ITGA8: variants seen among roughly 807,000 people sequenced by gnomAD.
ITGA8 encodes the protein integrin alpha-8.
A neutral mutation model predicts 142.3 loss-of-function variants in ITGA8; 91 were observed. That is an observed-to-expected ratio of 0.64 (90% CI 0.54 to 0.76). The LOEUF is 0.76. Among genes scored for constraint, ITGA8 ranks in the 30% least tolerant of loss-of-function variants. The pLI is 0.00. For synonymous variants in ITGA8, 505 were observed against 485.2 expected (o/e 1.04, Z -0.54); for missense variants, 1,406 against 1,327.7 (o/e 1.06, Z -0.92).
intron 13 of ITGA8, among the ~76,000 whole-genome samples, chr10:15,624,228 C>T (rs868236905): frequency 3.9e-5 from 6 of 152,178 alleles, no homozygotes; most frequent in Non-Finnish European, 7.3e-5. Context: ...CTTTGAAACA[C>T]GGTGTTGTAT....
rs180967867 is a variant in ITGA8, at chr10:15,593,646, C to G, written c.2212-1342G>C. On this transcript the variant is annotated intron_variant, in intron 21 of 29. Transcript: ENST00000378076. ...AATCATCTCTTTTGTCATAAATCAG[C>G]AGCACCAGTTCACCAGCCCTTGCCG... Among the ~76,000 whole-genome samples, 43 of 152,270 alleles carry G rather than the reference C, an allele frequency of 2.8e-4. 1 individual carries two copies. Among genetic ancestry groups the G allele is most frequent in the African/African-American group, 9.9e-4 (41 of 41,542 alleles).
chr10:15,566,955 C>T (rs1380697809), intron 25 of ITGA8, among the ~76,000 whole-genome samples: 15 of 147,076 alleles, frequency 1.0e-4, no homozygotes, highest in Non-Finnish European at 1.8e-4. Context: ...GTCAAGGGTT[C>T]GAGACCAGCC....
intron 23 of ITGA8, among the ~76,000 whole-genome samples, chr10:15,581,150 A>G (rs1483645037): frequency 6.6e-6 from 1 of 152,186 alleles, no homozygotes; most frequent in Non-Finnish European, 1.5e-5. Context: ...AAAGACCAAC[A>G]ATGTGATATA....
At chr10:15,594,365 T>C (rs942353685) in intron 21 of ITGA8, among the ~76,000 whole-genome samples, 1 of 152,140 alleles carries the variant, frequency 6.6e-6, no homozygotes, top group Non-Finnish European at 1.5e-5. Flanking sequence ...TTTACCACTC[T>C]TCCACCACTC....
At chr10:15,591,015 G>T (rs1832912169) in intron 22 of ITGA8, among the ~76,000 whole-genome samples, 1 of 152,130 alleles carries the variant, frequency 6.6e-6, no homozygotes. Context: ...TTCTTACAGA[G>T]TTTATATATT....
In ITGA8 at chr10:15,663,394, C is replaced by T. The variant is rs538989747; in HGVS notation, c.848-2472G>A. 9.2e-5 allele frequency among the ~76,000 whole-genome samples: 14 copies of T among 151,968 alleles called. No homozygotes were observed. In the South Asian group the frequency reaches 2.9e-3, roughly 32 times the overall value. On this transcript the variant is annotated intron_variant, in intron 8 of 29. Coordinates refer to ENST00000378076, the MANE Select transcript of ITGA8 (RefSeq NM_003638.3). ...AGATAGCCTCAAAACACAAAATATC[C>T]TTTTATTTTAGATATCCTCAAAACA...
At chr10:15,587,666 T>C (rs534727269) in intron 22 of ITGA8, among the ~76,000 whole-genome samples, 292 of 152,164 alleles carry the variant, frequency 1.9e-3, no homozygotes, top group African/African-American at 6.5e-3. Flanking sequence ...GGCCAGTTCA[T>C]AAACAGGCAA....
intron 2 of ITGA8, among the ~76,000 whole-genome samples, chr10:15,701,389 C>T (rs144918059): frequency 6.6e-6 from 1 of 152,250 alleles, no homozygotes; most frequent in East Asian, 1.9e-4. Context: ...ATAAGTCAAC[C>T]CGGGAACTTT....
Position 15,575,768 on chromosome 10 carries a change from G to T in ITGA8, c.2373-174C>A, listed in dbSNP as rs116293778. Among the ~76,000 whole-genome samples the T allele has an allele frequency of 6.5e-3, 993 of 152,344 alleles. 6 individuals carry two copies. The highest frequency in any genetic ancestry group is 0.021 in the African/African-American group (893 of 41,586). On this transcript the variant is annotated intron_variant, in intron 23 of 29. Coordinates refer to ENST00000378076, the MANE Select transcript of ITGA8 (RefSeq NM_003638.3). Reference sequence around the variant, plus strand: ...GTACAGTAGAATGACTACAGTGACAGTGAAGGATCTGAAACTGCTAGTGTA... The same window carrying T: ...GTACAGTAGAATGACTACAGTGACATTGAAGGATCTGAAACTGCTAGTGTA...
chr10:15,593,897 A>G (rs571813934), intron 21 of ITGA8, among the ~76,000 whole-genome samples: 1 of 148,916 alleles, frequency 6.7e-6, no homozygotes, highest in African/African-American at 2.5e-5. Context: ...GTTGAAGTAC[A>G]GTGGCACAAT....
At chr10:15,711,817 A>G (rs1835369376) in intron 2 of ITGA8, among the ~76,000 whole-genome samples, 1 of 152,216 alleles carries the variant, frequency 6.6e-6, no homozygotes, top group Admixed American at 6.5e-5. Context: ...TTCAGTGTTT[A>G]TGGGTCTAGG....
chr10:15,547,362 A>G (rs1833694423), intron 27 of ITGA8, among the ~76,000 whole-genome samples: 1 of 152,334 alleles, frequency 6.6e-6, no homozygotes, highest in South Asian at 2.1e-4. Flanking sequence ...AGTCGAGGCC[A>G]GGAGTTTGAG....
intron 26 of ITGA8, among the ~76,000 whole-genome samples, chr10:15,553,995 A>G (rs1564348841): frequency 6.7e-6 from 1 of 150,262 alleles, no homozygotes; most frequent in East Asian, 1.9e-4. Flanking sequence ...CTCTTGTCTC[A>G]AGAAAAAAAA....
At chr10:15,633,452 G>A (rs1828611817) in intron 13 of ITGA8, among the ~76,000 whole-genome samples, 2 of 151,946 alleles carry the variant, frequency 1.3e-5, no homozygotes, top group Admixed American at 6.6e-5. Context: ...ATTTTTTTGA[G>A]ATGAATTCTT....
chr10:15,601,228 G>A (rs1833099062), intron 20 of ITGA8, among the ~76,000 whole-genome samples: 1 of 151,498 alleles, frequency 6.6e-6, no homozygotes, highest in Non-Finnish European at 1.5e-5. Context: ...AACAGAGCAA[G>A]ACTCCATAAA....
chr10:15,593,839 A>ATTTTT (rs35907545), intron 21 of ITGA8, among the ~76,000 whole-genome samples: 1 of 137,308 alleles, frequency 7.3e-6, no homozygotes, highest in African/African-American at 2.9e-5. Context: ...CCCAGCAAAG[A>ATTTTT]TTTTTTTTTT....
At chr10:15,671,504 G>A (rs1485457086) in intron 8 of ITGA8, 99 bp downstream of exon 8, 3 of 936,058 alleles carry the variant, frequency 3.2e-6, no homozygotes, top group East Asian at 5.0e-5. Context: ...TATCCCTTTG[G>A]TATAGCAAAT....
At chr10:15,519,560 C>T (rs909666197) in intron 28 of ITGA8, 148 bp from the exon 29 acceptor site, 12 of 824,238 alleles carry the variant, frequency 1.5e-5, no homozygotes, top group African/African-American at 1.0e-4. Context: ...AGGTAGCACT[C>T]GAACATGAAC....
At chr10:15,653,310 C>T (rs983279144) in intron 11 of ITGA8, among the ~76,000 whole-genome samples, 1 of 151,010 alleles carries the variant, frequency 6.6e-6, no homozygotes, top group Admixed American at 6.7e-5. Flanking sequence ...TACTCCCTAT[C>T]TCTCCTCTCT....
Sources: allele counts gnomAD v4.1 joint callset (sites outside exome capture counted in the v4.1 genomes callset), GRCh38; gene constraint gnomAD v4.1.1; transcripts MANE v1.5; gene names NCBI Gene and HGNC (gene_info 2026-07-23, HGNC 2026-07-21).